Variants in LACTB observed in about 807,000 individuals in gnomAD.
LACTB encodes the protein lactamase beta.
Under a neutral mutation model 50.2 loss-of-function variants are expected in LACTB, and 35 were observed. The ratio of observed to expected loss-of-function variants is 0.70; its 90% CI spans 0.53 to 0.92. The LOEUF (loss-of-function observed/expected upper bound fraction) is 0.92, where lower values mean the gene tolerates loss of function less well. Ranked by LOEUF, LACTB falls within the 40% of genes least tolerant of loss-of-function variation. LACTB has a pLI of 0.00. For missense variants in LACTB, 664 were observed against 691.8 expected (o/e 0.96, Z 0.45); for synonymous variants, 252 against 268.2 (o/e 0.94, Z 0.59).
intron 2 of LACTB, chr15:63,125,862 C>CTTTCT (rs559935406): frequency 2.5e-4 from 36 of 142,832 alleles, no homozygotes; most frequent in East Asian, 4.1e-4. Context: ...TTCTTTCTTT[C>CTTTCT]TTTTTTTTTT....
chr15:63,140,097 ACT>A (rs760511804), intron 5 of LACTB, among the ~76,000 whole-genome samples: 9 of 152,170 alleles, frequency 5.9e-5, no homozygotes, highest in Non-Finnish European at 1.0e-4. Context: ...ATAGTGCAAG[ACT>A]CTGTCTCAAA....
chr15:63,122,779 C>A, intron 2 of LACTB, 77 bp downstream of exon 2: 1 of 970,838 alleles, frequency 1.0e-6, no homozygotes, highest in Non-Finnish European at 1.7e-6. Context: ...GAGTGGATCC[C>A]ATGAAATGCT....
Position 63,127,434 on chromosome 15 carries a change from G to A in LACTB, c.697G>A (p.Glu233Lys), listed in dbSNP as rs1339821752. ...YEKDIKKVKEEKAYKALKMMK... is the reference protein window; with the variant it reads ...YEKDIKKVKEKKAYKALKMMK... ...AAAGGACATAAAAAAGGTGAAAGAAGAGAAAGCTTATAAAGCCTTGAAGAT... is the reference window on the plus strand; with the variant it reads ...AAAGGACATAAAAAAGGTGAAAGAAAAGAAAGCTTATAAAGCCTTGAAGAT... Residue 233 changes from glutamate to lysine, a missense_variant, in exon 4 of 6, where the codon GAG becomes AAG. Transcript: ENST00000261893. 6.2e-7 allele frequency: 1 copy of A among 1,606,012 alleles called. No homozygotes were observed. Among genetic ancestry groups the A allele is most frequent in the Non-Finnish European group, 8.5e-7 (1 of 1,177,742 alleles).
chr15:63,129,579 A>G lies in LACTB; in HGVS notation c.1047A>G (p.Lys349=). 1 of 1,613,546 alleles carries G rather than the reference A, an allele frequency of 6.2e-7. No individual in the cohort carries two copies. The highest frequency in any genetic ancestry group is 8.5e-7 in the Non-Finnish European group (1 of 1,179,770). ...GTAAATATTTGGACTATATGCAGAA[A>G]ATATTCCATGACTTGGATATGCTGA... is the stretch of plus-strand genomic sequence containing the variant. The part of the protein sequence containing the change: ...SGCKYLDYMQ[K]IFHDLDMLTT... Residue 349 remains lysine, a synonymous_variant, in exon 5 of 6, where the codon AAA becomes AAG. Transcript: ENST00000261893.
chr15:63,140,556 G>T (rs1294870011), intron 5 of LACTB, among the ~76,000 whole-genome samples: 1 of 152,082 alleles, frequency 6.6e-6, no homozygotes, highest in African/African-American at 2.4e-5. Flanking sequence ...AAGAAGAAAG[G>T]ATTCAAACTA....
chr15:63,124,496 G>A (rs899623964), intron 2 of LACTB, among the ~76,000 whole-genome samples: 6 of 152,074 alleles, frequency 3.9e-5, no homozygotes. Flanking sequence ...ACCAGGTAGA[G>A]GTGTCATCTA....
Position 63,125,714 on chromosome 15 carries a change from G to C in LACTB, c.425-1145G>C, listed in dbSNP as rs1057183838. ...TATTTTTTGGACAGGGTCTCTTACT[G>C]TGTCTCCCAGGCTGGCGTGCAGTGG... On this transcript the variant is annotated intron_variant, in intron 2 of 5. Coordinates refer to ENST00000261893, the MANE Select transcript of LACTB (RefSeq NM_032857.5). Among the ~76,000 whole-genome samples the C allele has an allele frequency of 4.4e-4, 67 of 151,086 alleles. 1 individual carries two copies. Among genetic ancestry groups the C allele is most frequent in the African/African-American group, 1.6e-3 (64 of 41,084 alleles).
In LACTB at chr15:63,140,541, GA is replaced by G. The variant is rs1219888229; in HGVS notation, c.1119-733del. 2.6e-5 allele frequency among the ~76,000 whole-genome samples: 4 copies of G among 152,020 alleles called. No homozygotes were observed. In the East Asian group the frequency reaches 7.7e-4, roughly 29 times the overall value. On this transcript the variant is annotated intron_variant, in intron 5 of 5. Transcript: ENST00000261893. ...CTTTTAGGGGACGTATAAGAATCTT[GA>G]AAAAAGAAGAAAGGATTCAAACTAG...
At chr15:63,122,343 G>T (rs1692926363) in intron 1 of LACTB, 115 bp downstream of exon 1, 1 of 915,408 alleles carries the variant, frequency 1.1e-6, no homozygotes, top group Non-Finnish European at 1.6e-6. Flanking sequence ...ATCGGCTTCC[G>T]AGAAAGACTT....
rs1314145412 is a variant in LACTB, at chr15:63,141,549, C to T, written c.1388C>T (p.Ala463Val). Residue 463 changes from alanine (A) to valine (V), a missense_variant, in exon 6 of 6, where the codon GCG (alanine) becomes GTG (valine). Coordinates refer to ENST00000261893, the MANE Select transcript of LACTB (RefSeq NM_032857.5). ...SWDKEGKYAM[A>V]WGVVERKQTY... ...GATAAAGAGGGTAAATATGCAATGG[C>T]GTGGGGTGTTGTGGAAAGGAAACAA... 3.1e-6 allele frequency: 5 copies of T among 1,614,108 alleles called. No individual in the cohort carries two copies. Among genetic ancestry groups the T allele is most frequent in the East Asian group, 4.5e-5 (2 of 44,888 alleles).
intron 5 of LACTB, among the ~76,000 whole-genome samples, chr15:63,134,134 A>G (rs2037155731): frequency 1.3e-5 from 2 of 152,034 alleles, no homozygotes; most frequent in East Asian, 3.8e-4. Context: ...CTCTCTCTTC[A>G]TACCATAGTG....
chr15:63,132,689 T>C (rs980141762), intron 5 of LACTB, among the ~76,000 whole-genome samples: 3 of 152,082 alleles, frequency 2.0e-5, no homozygotes, highest in African/African-American at 7.2e-5. Context: ...GGCATGGTAG[T>C]GTGTACCTGT....
At chr15:63,126,060 A>G (rs968605428) in intron 2 of LACTB, 1 of 152,076 alleles carries the variant, frequency 6.6e-6, no homozygotes, top group Admixed American at 6.6e-5. Context: ...TTTTTTCTAG[A>G]AAAAGCTTTA....
chr15:63,139,043 CAAAAAAAAAA>C (rs11413822), intron 5 of LACTB, among the ~76,000 whole-genome samples: 1 of 71,344 alleles, frequency 1.4e-5, no homozygotes, highest in South Asian at 4.9e-4. Context: ...GACTCTGTTT[CAAAAAAAAAA>C]AAAAAAAAAA....
At chr15:63,130,826 A>G (rs2037122998) in intron 5 of LACTB, 1 of 152,168 alleles carries the variant, frequency 6.6e-6, no homozygotes, top group East Asian at 1.9e-4. Context: ...TAACAAGTAT[A>G]TTTGGAGGAG....
intron 5 of LACTB, among the ~76,000 whole-genome samples, chr15:63,132,707 A>C (rs960290785): frequency 2.0e-5 from 3 of 152,098 alleles, no homozygotes; most frequent in Non-Finnish European, 2.9e-5. Context: ...TGTAGTCCTG[A>C]CTACTTGGGA....
intron 5 of LACTB, among the ~76,000 whole-genome samples, chr15:63,140,709 G>A (rs1055735818): frequency 1.3e-5 from 2 of 152,096 alleles, no homozygotes; most frequent in African/African-American, 4.8e-5. Context: ...TCAAACTCCT[G>A]GGCTCAAGTG....
At chr15:63,140,573 G>C (rs569289624) in intron 5 of LACTB, among the ~76,000 whole-genome samples, 37 of 152,254 alleles carry the variant, frequency 2.4e-4, no homozygotes, top group African/African-American at 8.9e-4. Context: ...ACTAGGGTTT[G>C]CTAACTCCAG....
At chr15:63,138,528 T>TA (rs2037195785) in intron 5 of LACTB, among the ~76,000 whole-genome samples, 1 of 152,202 alleles carries the variant, frequency 6.6e-6, no homozygotes, top group Admixed American at 6.5e-5. Flanking sequence ...TTTGAAATGG[T>TA]AAAGTTTATC....
Sources: allele counts gnomAD v4.1 joint callset (sites outside exome capture counted in the v4.1 genomes callset), GRCh38; gene constraint gnomAD v4.1.1; transcripts MANE v1.5; gene names NCBI Gene and HGNC (gene_info 2026-07-23, HGNC 2026-07-21).